ATXN2: variants seen among roughly 807,000 people sequenced by gnomAD.
The protein encoded by ATXN2 is ataxin 2.
A neutral mutation model predicts 138.6 loss-of-function variants in ATXN2; 37 were observed. The ratio of observed to expected loss-of-function variants is 0.27; its 90% confidence interval spans 0.21 to 0.35. ATXN2 has a LOEUF of 0.35. ATXN2 is among the 10% of genes least tolerant of loss of function. The pLI is 1.00. For synonymous variants in ATXN2, 549 were observed against 543.7 expected, an observed-to-expected ratio of 1.01 and a Z score of -0.13; for missense variants, 1,216 against 1,480.3, an observed-to-expected ratio of 0.82 and a Z score of 2.93.
chr12:111,454,809 T>A (rs922381028), intron 23 of ATXN2: 1 of 506,642 alleles, frequency 2.0e-6, no homozygotes, highest in African/African-American at 1.9e-5. Flanking sequence ...GTTTTAGGGA[T>A]CCCTGACTTA....
At chr12:111,568,637 G>A (rs921693442) in intron 1 of ATXN2, among the ~76,000 whole-genome samples, 1 of 152,038 alleles carries the variant, frequency 6.6e-6, no homozygotes, top group Non-Finnish European at 1.5e-5. Context: ...CCCCTTTCTT[G>A]TTAGTTACCA....
upstream of ATXN2, chr12:111,599,492 G>A (rs1885159064): frequency 8.2e-7 from 1 of 1,215,716 alleles, no homozygotes; most frequent in Non-Finnish European, 1.0e-6. Flanking sequence ...GGGACTCCGA[G>A]GAGCTGCGGC....
chr12:111,479,509 T>C (rs538281188), intron 18 of ATXN2, among the ~76,000 whole-genome samples: 2 of 151,300 alleles, frequency 1.3e-5, no homozygotes, highest in Non-Finnish European at 2.9e-5. Context: ...AGACCAATTC[T>C]GGGACACAGA....
At chr12:111,515,427 G>A (rs1176577283) in intron 10 of ATXN2, among the ~76,000 whole-genome samples, 1 of 152,144 alleles carries the variant, frequency 6.6e-6, no homozygotes, top group Admixed American at 6.5e-5. Context: ...TATTTGATAT[G>A]TGGCAATGAT....
chr12:111,531,541 T>C (rs918115982), intron 5 of ATXN2, among the ~76,000 whole-genome samples: 5 of 152,252 alleles, frequency 3.3e-5, no homozygotes, highest in Admixed American at 6.5e-5. Context: ...TATCTTTTCA[T>C]TGAATACTCA....
chr12:111,483,296 TTA>T (rs1877391467), intron 18 of ATXN2, among the ~76,000 whole-genome samples: 2 of 150,000 alleles, frequency 1.3e-5, no homozygotes, highest in African/African-American at 4.9e-5. Flanking sequence ...AATGAAAACT[TTA>T]TGTCAGAAAG....
chr12:111,547,633 G>A (rs1367790922), intron 5 of ATXN2, among the ~76,000 whole-genome samples: 1 of 151,082 alleles, frequency 6.6e-6, no homozygotes, highest in Non-Finnish European at 1.5e-5. Context: ...GCTGAGATAG[G>A]AGAATCGCTT....
chr12:111,583,034 C>T (rs1884104724), intron 1 of ATXN2, among the ~76,000 whole-genome samples: 1 of 129,684 alleles, frequency 7.7e-6, no homozygotes, highest in Non-Finnish European at 1.6e-5. Flanking sequence ...GTTCTGTCGC[C>T]CAGGCTGGAG....
At chr12:111,502,659 G>A (rs1416784437) in intron 14 of ATXN2, among the ~76,000 whole-genome samples, 2 of 152,088 alleles carry the variant, frequency 1.3e-5, no homozygotes, top group African/African-American at 4.8e-5. Context: ...TGGAACTCCT[G>A]ACCTCAGCTG....
chr12:111,508,972 A>T (rs939060361), intron 14 of ATXN2, among the ~76,000 whole-genome samples: 8 of 152,124 alleles, frequency 5.3e-5, no homozygotes, highest in African/African-American at 1.9e-4. Context: ...TGGTATTTAG[A>T]TTTTCCTTTC....
At chr12:111,564,640 C>G (rs1029426877) in intron 1 of ATXN2, among the ~76,000 whole-genome samples, 3 of 150,702 alleles carry the variant, frequency 2.0e-5, no homozygotes, top group African/African-American at 7.3e-5. Context: ...AAAAATCAAG[C>G]AGAGCCAGGT....
chr12:111,477,739 TAAGAA>T, intron 18 of ATXN2, among the ~76,000 whole-genome samples: 1 of 152,284 alleles, frequency 6.6e-6, no homozygotes, highest in East Asian at 1.9e-4. Flanking sequence ...ATTTTCACAG[TAAGAA>T]AAGAAACATG....
At chr12:111,576,834 T>G (rs1883682784) in intron 1 of ATXN2, among the ~76,000 whole-genome samples, 1 of 151,578 alleles carries the variant, frequency 6.6e-6, no homozygotes, top group Non-Finnish European at 1.5e-5. Context: ...GGCGGGCTCC[T>G]GTAGTCCCAG....
intron 18 of ATXN2, among the ~76,000 whole-genome samples, chr12:111,479,642 T>A (rs941165708): frequency 6.6e-6 from 1 of 152,178 alleles, no homozygotes; most frequent in Non-Finnish European, 1.5e-5. Flanking sequence ...CTTGTCCAAC[T>A]TGCGTCCTGG....
chr12:111,597,535 T>G (rs1351218921), intron 1 of ATXN2, among the ~76,000 whole-genome samples: 2 of 152,160 alleles, frequency 1.3e-5, no homozygotes, highest in Non-Finnish European at 2.9e-5. Context: ...CCGGCCACAA[T>G]GGAATGGAGT....
intron 1 of ATXN2, among the ~76,000 whole-genome samples, chr12:111,574,224 C>T (rs1029475903): frequency 1.4e-5 from 2 of 142,050 alleles, no homozygotes; most frequent in Admixed American, 7.7e-5. Flanking sequence ...AGGAGAATGG[C>T]GTGAACCCGA....
chr12:111,480,736 A>G (rs1877171241), intron 18 of ATXN2, among the ~76,000 whole-genome samples: 1 of 152,204 alleles, frequency 6.6e-6, no homozygotes, highest in Admixed American at 6.5e-5. Context: ...GACAACGGAT[A>G]TCCACAAGCA....
rs1877786165 is a variant in ATXN2 at position 111,488,467 on chromosome 12, T to G, written c.2240+9A>C. 1 of 1,600,256 alleles carries G rather than the reference T, an allele frequency of 6.2e-7. No homozygotes were observed. The highest frequency in any genetic ancestry group is 8.5e-7 in the Non-Finnish European group (1 of 1,173,062). On this transcript the variant is annotated intron_variant, in intron 15 of 24. Coordinates refer to ENST00000673436, the MANE Select transcript of ATXN2 (RefSeq NM_001372574.1). The stretch of plus-strand genomic sequence containing the variant: ...GTAACAGGATGGTCTAAGTTCCAGG[T>G]TTACTCACTCAGCTGCGTCTTTCTT...
intron 18 of ATXN2, among the ~76,000 whole-genome samples, chr12:111,474,244 C>A (rs1876633747): frequency 6.6e-6 from 1 of 151,764 alleles, no homozygotes; most frequent in African/African-American, 2.4e-5. Flanking sequence ...ACAAAAAAAC[C>A]TATGACTTGG....
Sources: gnomAD v4.1 joint callset for allele counts (sites outside exome capture counted in the v4.1 genomes callset) on GRCh38, gnomAD v4.1.1 for gene constraint, MANE v1.5 for transcripts, NCBI Gene and HGNC (gene_info 2026-07-23, HGNC 2026-07-21) for gene names.